RTCA: variants seen among roughly 807,000 people sequenced by gnomAD.
The protein encoded by RTCA is RNA 3'-terminal phosphate cyclase, also known as RNA terminal phosphate cyclase domain 1.
Under a neutral mutation model 46.1 loss-of-function variants are expected in RTCA, and 37 were observed. That is an observed-to-expected ratio of 0.80 (90% CI 0.62 to 1.06). The LOEUF (loss-of-function observed/expected upper bound fraction) is 1.06, where lower values mean the gene tolerates loss of function less well. Among genes scored for constraint, RTCA ranks in the 50% least tolerant of loss-of-function variants. The probability of loss-of-function intolerance (pLI) is 0.00; values close to 1 mark genes in which losing one functional copy is unlikely to be tolerated. For missense variants in RTCA, 435 were observed against 455.5 expected, an observed-to-expected ratio of 0.95 and a Z score of 0.41; for synonymous variants, 164 against 158.3, an observed-to-expected ratio of 1.04 and a Z score of -0.27.
chr1:100,285,203 GT>G, intron 8 of RTCA, 24 bp from the exon 9 acceptor site: 1 of 1,281,164 alleles, frequency 7.8e-7, no homozygotes, highest in Non-Finnish European at 1.1e-6. Flanking sequence ...GTTTTGTTTT[GT>G]TTTAATGTTG....
In RTCA at chr1:100,275,781, A is replaced by C. The variant is rs1046979932; in HGVS notation, c.740+58A>C. Reference sequence around the variant, plus strand: ...AGAACCCTAAAATAGTTATCTAATTAAATTAAAGATTTTTAGGGTTTCTTG... The same window carrying C: ...AGAACCCTAAAATAGTTATCTAATTCAATTAAAGATTTTTAGGGTTTCTTG... On this transcript the variant is annotated intron_variant, in intron 7 of 10. Coordinates refer to ENST00000370128, the MANE Select transcript of RTCA (RefSeq NM_003729.4). 3.0e-5 allele frequency: 42 copies of C among 1,420,268 alleles called. No individual in the cohort carries two copies. In the African/African-American group the frequency reaches 5.7e-4, roughly 19 times the overall value. The allele number at this position is 1,420,268 out of a possible 1,614,324, so 88.0% of individuals were successfully genotyped here. A position where few individuals can be genotyped will look rare whatever the true frequency, so the allele number is the denominator to read the frequency against.
chr1:100,282,420 C>A (rs1666757556), intron 8 of RTCA, among the ~76,000 whole-genome samples: 1 of 152,210 alleles, frequency 6.6e-6, no homozygotes, highest in South Asian at 2.1e-4. Context: ...TTAAGTCCTT[C>A]ATGCTTTATG....
chr1:100,288,751 A>G (rs577171046), intron 10 of RTCA, among the ~76,000 whole-genome samples: 1 of 152,270 alleles, frequency 6.6e-6, no homozygotes, highest in African/African-American at 2.4e-5. Context: ...AAAATTAATC[A>G]TTACAGAAGT....
At chr1:100,268,955 G>A (rs1285062433) in intron 3 of RTCA, among the ~76,000 whole-genome samples, 2 of 151,744 alleles carry the variant, frequency 1.3e-5, no homozygotes, top group Non-Finnish European at 2.9e-5. Context: ...TTGGGAGGCC[G>A]AGGTGGGTGG....
chr1:100,275,666 A>G lies in RTCA; in HGVS notation c.683A>G (p.Asn228Ser). Residue 228 changes from asparagine (N) to serine (S), a missense_variant, in exon 7 of 11, where the codon AAC becomes AGC. By Grantham distance (46) the Asn-to-Ser change is conservative (BLOSUM62 1). Transcript: ENST00000370128. ...AAGGAGATCCGGGATTTGTATGTTA[A>G]CATCCAGCCTGTTCAAGAACCTAAA... ...IRKEIRDLYV[N>S]IQPVQEPKDQ... is the part of the protein sequence containing the mutation. The G allele has an allele frequency of 1.9e-6, 3 of 1,612,332 alleles. No homozygotes were observed. The highest frequency in any genetic ancestry group is 1.7e-6 in the Non-Finnish European group (2 of 1,179,066).
intron 8 of RTCA, among the ~76,000 whole-genome samples, chr1:100,284,074 T>C (rs1291720218): frequency 6.6e-6 from 1 of 151,048 alleles, no homozygotes; most frequent in Non-Finnish European, 1.5e-5. Flanking sequence ...GAAACAAAAC[T>C]AACCACATTT....
At chr1:100,266,482 G>T in intron 1 of RTCA, 42 bp from the exon 2 acceptor site, 1 of 1,608,532 alleles carries the variant, frequency 6.2e-7, no homozygotes, top group Non-Finnish European at 8.5e-7. Flanking sequence ...TCTCACCACC[G>T]GTGTGCTTAC....
At chr1:100,285,423 C>A in intron 9 of RTCA, 101 bp downstream of exon 9, 1 of 757,514 alleles carries the variant, frequency 1.3e-6, no homozygotes, top group Non-Finnish European at 2.2e-6. Context: ...CACTAATTAG[C>A]AAGTCCTACT....
At chr1:100,281,935 C>T (rs553084918) in intron 8 of RTCA, among the ~76,000 whole-genome samples, 195 of 152,094 alleles carry the variant, frequency 1.3e-3, no homozygotes, top group African/African-American at 4.0e-3. Flanking sequence ...AGGCTGGTTT[C>T]GAACTCCTGA....
At chr1:100,272,927 A>T (rs1008920617) in intron 4 of RTCA, among the ~76,000 whole-genome samples, 1 of 152,202 alleles carries the variant, frequency 6.6e-6, no homozygotes, top group Non-Finnish European at 1.5e-5. Flanking sequence ...CCATGGAGTC[A>T]TTCAGATTTT....
At chr1:100,290,008 C>T (rs577664183) in intron 10 of RTCA, among the ~76,000 whole-genome samples, 27 of 152,204 alleles carry the variant, frequency 1.8e-4, no homozygotes, top group South Asian at 8.3e-4. Flanking sequence ...AATATATAAA[C>T]GCATGCATAT....
At position 100,287,214 on chromosome 1, in the gene RTCA, T is replaced by C. The variant is rs978617255; in HGVS notation, c.999+11T>C. On this transcript the variant is annotated intron_variant, in intron 10 of 10. Coordinates refer to ENST00000370128, the MANE Select transcript of RTCA (RefSeq NM_003729.4). Reference sequence around the variant, plus strand: ...GAACAAATAGCAAAGGTGAGTATTCTATCAGAAAGGGAAATTGATATTTTG... The same window carrying C: ...GAACAAATAGCAAAGGTGAGTATTCCATCAGAAAGGGAAATTGATATTTTG... 5 of 1,519,518 alleles carry C rather than the reference T, an allele frequency of 3.3e-6. No homozygotes were observed. The African/African-American group carries it at 4.3e-5, about 13-fold the overall frequency. 94.1% of individuals were successfully genotyped at this position (1,519,518 alleles called of 1,614,324 possible). A position where few individuals can be genotyped will look rare whatever the true frequency, so the allele number is the denominator to read the frequency against.
chr1:100,278,921 A>ATTC, intron 8 of RTCA, among the ~76,000 whole-genome samples: 1 of 152,326 alleles, frequency 6.6e-6, no homozygotes, highest in East Asian at 1.9e-4. Context: ...AATCTGTGGG[A>ATTC]GTGGGGCCCA....
At chr1:100,289,260 C>T (rs1667219276) in intron 10 of RTCA, among the ~76,000 whole-genome samples, 1 of 152,044 alleles carries the variant, frequency 6.6e-6, no homozygotes, top group Non-Finnish European at 1.5e-5. Context: ...TATCAAGTAG[C>T]TAGGACTGCA....
chr1:100,281,740 G>T (rs1474713938), intron 8 of RTCA, among the ~76,000 whole-genome samples: 4 of 150,616 alleles, frequency 2.7e-5, no homozygotes, highest in Non-Finnish European at 5.9e-5. Context: ...TTTTCGAGAC[G>T]GAATCTTGCT....
At chr1:100,267,563 G>A in intron 2 of RTCA, 9 of 1,541,594 alleles carry the variant, frequency 5.8e-6, no homozygotes, top group Non-Finnish European at 7.9e-6. Flanking sequence ...AGAGCCATGA[G>A]AAAAGGATCT....
chr1:100,275,754 T>G, intron 7 of RTCA, 31 bp downstream of exon 7: 1 of 1,575,060 alleles, frequency 6.3e-7, no homozygotes, highest in Non-Finnish European at 8.6e-7. Flanking sequence ...ACACATTAGT[T>G]GAGAACCCTA....
In RTCA at chr1:100,267,498, A is replaced by G. The variant is rs1376719663; in HGVS notation, c.147-654A>G. On this transcript the variant is annotated intron_variant, in intron 2 of 10. Coordinates refer to ENST00000370128, the MANE Select transcript of RTCA (RefSeq NM_003729.4). ...AAACAACAGAAATTTATTTCCTCAC[A>G]GTTCTGGAGGCTGGAAGTCCAAGAT... 9.1e-6 allele frequency: 14 copies of G among 1,534,506 alleles called. No homozygotes were observed. The South Asian group carries it at 1.6e-4, about 17-fold the overall frequency.
Position 100,275,637 on chromosome 1 carries a change from C to G in RTCA, c.654C>G (p.Ile218Met). ...TGGCAGCGGCAGCAGTTAGATGCAT[C>G]AGAAAGGAGATCCGGGATTTGTATG... ...KDMAAAAVRC[I>M]RKEIRDLYVN... Residue 218 changes from isoleucine to methionine, a missense_variant, in exon 7 of 11, where the codon ATC becomes ATG. Ile to Met is a conservative substitution (Grantham distance 10, BLOSUM62 1). Transcript: ENST00000370128. The G allele has an allele frequency of 3.1e-6, 5 of 1,611,996 alleles. No individual in the cohort carries two copies. Among genetic ancestry groups the G allele is most frequent in the Non-Finnish European group, 4.2e-6 (5 of 1,178,954 alleles).
Sources: gnomAD v4.1 joint callset for allele counts (sites outside exome capture counted in the v4.1 genomes callset) on GRCh38, gnomAD v4.1.1 for gene constraint, MANE v1.5 for transcripts, NCBI Gene and HGNC (gene_info 2026-07-23, HGNC 2026-07-21) for gene names.